Variants in ADRA1B observed in about 807,000 individuals in gnomAD.
ADRA1B encodes alpha-1B adrenergic receptor.
A neutral mutation model predicts 17.9 loss-of-function variants in ADRA1B; 17 were observed. The ratio of observed to expected loss-of-function variants is 0.95; its 90% CI spans 0.65 to 1.42. ADRA1B has a LOEUF of 1.42. Among genes scored for constraint, ADRA1B ranks in the 40% most tolerant of loss-of-function variants. The pLI, the probability that ADRA1B is intolerant of heterozygous loss-of-function variation, is 0.00. For synonymous variants in ADRA1B, 366 were observed against 327.6 expected (o/e 1.12, Z -1.27); for missense variants, 681 against 722.1 (o/e 0.94, Z 0.65).
intron 1 of ADRA1B, among the ~76,000 whole-genome samples, chr5:159,970,781 G>A (rs968095835): frequency 6.6e-6 from 1 of 152,162 alleles, no homozygotes; most frequent in Non-Finnish European, 1.5e-5. Flanking sequence ...AGCCTATCAG[G>A]TATGTCCCTT....
chr5:159,981,743 G>T, the ADRA1B span, among the ~76,000 whole-genome samples: 1 of 152,112 alleles, frequency 6.6e-6, no homozygotes, highest in Non-Finnish European at 1.5e-5. Flanking sequence ...TGATCCGCCC[G>T]CCTCGGCCTC....
chr5:159,883,199 C>G (rs2113091701), intron 1 of ADRA1B, among the ~76,000 whole-genome samples: 1 of 152,284 alleles, frequency 6.6e-6, no homozygotes, highest in Non-Finnish European at 1.5e-5. Flanking sequence ...ATCATGCCTC[C>G]ACTCCTACAA....
chr5:159,982,181 G>T, the ADRA1B span, among the ~76,000 whole-genome samples: 1 of 152,318 alleles, frequency 6.6e-6, no homozygotes, highest in South Asian at 2.1e-4. Flanking sequence ...GAATCAACTA[G>T]CTGAGCCCAG....
At chr5:159,971,383 ATGT>A (rs1755862375) in intron 1 of ADRA1B, among the ~76,000 whole-genome samples, 1 of 152,124 alleles carries the variant, frequency 6.6e-6, no homozygotes, top group Non-Finnish European at 1.5e-5. Flanking sequence ...ATAGTCTTTT[ATGT>A]TGTTCTCTTT....
intron 1 of ADRA1B, among the ~76,000 whole-genome samples, chr5:159,895,951 G>T (rs906224913): frequency 4.6e-5 from 7 of 152,206 alleles, no homozygotes; most frequent in African/African-American, 1.4e-4. Flanking sequence ...ATGAAAGCAA[G>T]TATCTCTTCT....
chr5:159,934,812 C>A, intron 1 of ADRA1B, among the ~76,000 whole-genome samples: 1 of 144,166 alleles, frequency 6.9e-6, no homozygotes. Flanking sequence ...AGCCAGACTC[C>A]ATCTCAAAAA....
chr5:159,962,264 G>A (rs1417148026), intron 1 of ADRA1B, among the ~76,000 whole-genome samples: 1 of 152,128 alleles, frequency 6.6e-6, no homozygotes, highest in Non-Finnish European at 1.5e-5. Flanking sequence ...AGGAGATAGG[G>A]ACAGGGGACC....
rs528544681 is a variant in ADRA1B at position 159,968,524 on chromosome 5, A to G, written c.950-3355A>G. ...TCTAGATCCTGTCCATGGTTTTGCC[A>G]TGTTGGCCAGGATGGTCTCGAACTC... On this transcript the variant is annotated intron_variant, in intron 1 of 1. Transcript: ENST00000306675. Among the ~76,000 whole-genome samples, 36 of 152,272 alleles carry G rather than the reference A, an allele frequency of 2.4e-4. 1 individual carries two copies. In the South Asian group the frequency reaches 7.5e-3, roughly 32 times the overall value.
intron 1 of ADRA1B, among the ~76,000 whole-genome samples, chr5:159,933,207 C>T (rs1046124345): frequency 6.6e-6 from 1 of 152,114 alleles, no homozygotes; most frequent in African/African-American, 2.4e-5. Flanking sequence ...TAAAATAATC[C>T]ATTCCCTCTT....
At chr5:159,934,630 C>A (rs538722382) in intron 1 of ADRA1B, among the ~76,000 whole-genome samples, 1 of 151,950 alleles carries the variant, frequency 6.6e-6, no homozygotes, top group Non-Finnish European at 1.5e-5. Flanking sequence ...CATGGTGAAA[C>A]CCCGTCTGTA....
intron 1 of ADRA1B, among the ~76,000 whole-genome samples, chr5:159,964,718 T>C (rs1000762006): frequency 6.6e-6 from 1 of 152,166 alleles, no homozygotes; most frequent in Non-Finnish European, 1.5e-5. Context: ...GTGGAGACCA[T>C]AATTCAGCTG....
chr5:159,943,142 G>A (rs1755178897), intron 1 of ADRA1B, among the ~76,000 whole-genome samples: 1 of 151,906 alleles, frequency 6.6e-6, no homozygotes, highest in African/African-American at 2.4e-5. Flanking sequence ...AACTCAAGAG[G>A]CGGAGGTTGC....
intron 1 of ADRA1B, chr5:159,950,521 A>G (rs1217129783): frequency 1.3e-6 from 2 of 1,520,060 alleles, no homozygotes; most frequent in East Asian, 2.3e-5. Context: ...GTGGGCCATG[A>G]GGTCCACCAC....
chr5:159,917,475 C>G lies in ADRA1B; in HGVS notation c.570C>G (p.Asn190Lys). 1.9e-6 allele frequency: 3 copies of G among 1,614,122 alleles called. No individual in the cohort carries two copies. Among genetic ancestry groups the G allele is most frequent in the Admixed American group, 1.7e-5 (1 of 60,026 alleles). The change falls in exon 1 of 2, where the codon AAC becomes AAG. Residue 190 changes from asparagine (N) to lysine (K), a missense_variant. This residue lies in a region of ADRA1B where 424 missense variants were observed against 480.2 expected (regional missense o/e 0.88). Transcript: ENST00000306675. ...PLLGWKEPAP[N>K]DDKECGVTEE... ...TTGGGTGGAAGGAGCCGGCACCCAACGATGACAAGGAGTGCGGGGTCACCG... is the reference window on the plus strand; with the variant it reads ...TTGGGTGGAAGGAGCCGGCACCCAAGGATGACAAGGAGTGCGGGGTCACCG...
intron 1 of ADRA1B, among the ~76,000 whole-genome samples, chr5:159,935,620 C>T (rs1754932506): frequency 6.6e-6 from 1 of 152,148 alleles, no homozygotes; most frequent in Non-Finnish European, 1.5e-5. Flanking sequence ...AATCTCGGCT[C>T]ACTGCAATCT....
At chr5:159,952,372 C>T (rs1215965650) in intron 1 of ADRA1B, among the ~76,000 whole-genome samples, 1 of 152,148 alleles carries the variant, frequency 6.6e-6, no homozygotes, top group African/African-American at 2.4e-5. Context: ...AACGTGGTCT[C>T]ACTCGCTCTC....
At chr5:159,872,154 C>G (rs917366659) in intron 1 of ADRA1B, among the ~76,000 whole-genome samples, 1 of 152,142 alleles carries the variant, frequency 6.6e-6, no homozygotes, top group African/African-American at 2.4e-5. Context: ...AATAAAATAA[C>G]CTTATTTTAA....
chr5:159,874,224 T>C (rs755560777), intron 1 of ADRA1B, among the ~76,000 whole-genome samples: 3 of 152,182 alleles, frequency 2.0e-5, no homozygotes, highest in Admixed American at 6.5e-5. Flanking sequence ...TGAAGCTTGG[T>C]GGGGCTTCCA....
chr5:159,869,593 C>A (rs1386708412), intron 1 of ADRA1B: 2 of 152,202 alleles, frequency 1.3e-5, no homozygotes, highest in African/African-American at 4.8e-5. Context: ...ACTGGCTAGG[C>A]AATTAGTCCA....
Sources: gnomAD v4.1 joint callset for allele counts (sites outside exome capture counted in the v4.1 genomes callset) on GRCh38, gnomAD v4.1.1 for gene constraint, gnomAD v4.1.1 regional missense constraint, MANE v1.5 for transcripts, NCBI Gene and HGNC (gene_info 2026-07-23, HGNC 2026-07-21) for gene names.